Variants in CSMD1 observed in about 807,000 individuals in gnomAD.
CSMD1 encodes CUB and Sushi multiple domains 1.
In CSMD1, 213 loss-of-function variants were observed where a neutral mutation model predicts 417.5. That is an observed-to-expected ratio of 0.51 (90% CI 0.46 to 0.57). The LOEUF (loss-of-function observed/expected upper bound fraction) is 0.57. Ranked by LOEUF, CSMD1 falls within the 20% of genes least tolerant of loss-of-function variation. The pLI, the probability that CSMD1 is intolerant of heterozygous loss-of-function variation, is 0.00. For missense variants in CSMD1, 6,923 were observed against 4,529.7 expected (o/e 1.53, Z -15.17); for synonymous variants, 2,862 against 1,736.8 (o/e 1.65, Z -16.11).
intron 2 of CSMD1, among the ~76,000 whole-genome samples, chr8:4,437,865 C>T (rs969764999): frequency 7.2e-5 from 11 of 152,152 alleles, no homozygotes; most frequent in African/African-American, 2.4e-4. Context: ...TCACCTGCCT[C>T]ACTGGTGTAG....
chr8:3,737,301 C>T (rs4472537), intron 6 of CSMD1, among the ~76,000 whole-genome samples: 22,455 of 152,026 alleles, frequency 0.15, 1,896 homozygotes, highest in African/African-American at 0.23. Flanking sequence ...ATGTGACTTC[C>T]TTCAGGAGGC....
Position 2,999,981 on chromosome 8 carries a change from G to C in CSMD1, c.8180C>G (p.Ser2727Cys), listed in dbSNP as rs981998842. ...ACGGACACAGACAGGCGTTTGTCCA[G>C]ACCACTTGTGGTCTTGCAGGCATAT... ...VRICLQDHKW[S>C]GQTPVCVPIT... is the part of the protein sequence containing the mutation. The change falls in exon 53 of 70, where the codon TCT becomes TGT. Residue 2727 changes from serine to cysteine, a missense_variant. Transcript: ENST00000635120. The C allele has an allele frequency of 6.2e-7, 1 of 1,609,814 alleles. No homozygotes were observed. The highest frequency in any genetic ancestry group is 8.5e-7 in the Non-Finnish European group (1 of 1,178,942).
chr8:4,252,429 T>C (rs1803143554), intron 3 of CSMD1, among the ~76,000 whole-genome samples: 1 of 152,172 alleles, frequency 6.6e-6, no homozygotes, highest in Admixed American at 6.5e-5. Context: ...TGGGAAGAAA[T>C]AAACTCGAGG....
At chr8:3,738,866 G>C (rs1451595124) in intron 6 of CSMD1, among the ~76,000 whole-genome samples, 2 of 152,138 alleles carry the variant, frequency 1.3e-5, no homozygotes, top group East Asian at 3.9e-4. Context: ...TTACTTATTA[G>C]GGCATTCATA....
At chr8:4,849,607 C>G (rs1801347903) in intron 1 of CSMD1, among the ~76,000 whole-genome samples, 5 of 152,006 alleles carry the variant, frequency 3.3e-5, no homozygotes, top group Admixed American at 1.3e-4. Context: ...TTTTAGTGAC[C>G]TTTTCTATTT....
intron 3 of CSMD1, among the ~76,000 whole-genome samples, chr8:4,131,555 A>C (rs1162774337): frequency 6.6e-6 from 1 of 152,150 alleles, no homozygotes; most frequent in Non-Finnish European, 1.5e-5. Context: ...AACTGTAGAA[A>C]ATATTTTTCT....
At position 3,230,176 on chromosome 8, in the gene CSMD1, A is replaced by G. The variant is rs1433124216; in HGVS notation, c.4209T>C (p.Tyr1403=). ...DPGMPQNGTR[Y]GDSREAGDTV... The stretch of plus-strand genomic sequence containing the variant: ...TGTCTCCAGCCTCTCTGCTGTCTCC[A>G]TAGCGGGTGCCATTTTGGGGCATAC... Residue 1403 remains tyrosine (Y), a synonymous_variant, in exon 27 of 70, where the codon TAT becomes TAC. Coordinates refer to ENST00000635120, the MANE Select transcript of CSMD1 (RefSeq NM_033225.6). 4.3e-6 allele frequency: 7 copies of G among 1,612,688 alleles called. No individual in the cohort carries two copies. Among genetic ancestry groups the G allele is most frequent in the African/African-American group, 1.3e-5 (1 of 74,880 alleles).
intron 2 of CSMD1, among the ~76,000 whole-genome samples, chr8:4,560,155 A>G (rs1798265367): frequency 6.6e-6 from 1 of 152,132 alleles, no homozygotes; most frequent in Admixed American, 6.6e-5. Context: ...TGCTGAGAAA[A>G]CCGCGCTCAT....
At chr8:4,938,388 C>A (rs1384142764) in intron 1 of CSMD1, among the ~76,000 whole-genome samples, 19 of 152,176 alleles carry the variant, frequency 1.2e-4, no homozygotes, top group Non-Finnish European at 1.8e-4. Context: ...ATAGTTATTA[C>A]AAATATGACT....
intron 3 of CSMD1, among the ~76,000 whole-genome samples, chr8:4,249,147 T>A (rs1055398703): frequency 1.3e-5 from 2 of 152,182 alleles, no homozygotes; most frequent in African/African-American, 2.4e-5. Context: ...GAAAATATAA[T>A]CTTAACATAT....
At chr8:3,044,652 C>G (rs1351673959) in intron 50 of CSMD1, among the ~76,000 whole-genome samples, 2 of 151,824 alleles carry the variant, frequency 1.3e-5, no homozygotes, top group South Asian at 4.2e-4. Flanking sequence ...AAAGGGACCT[C>G]AAACATCTGC....
intron 3 of CSMD1, among the ~76,000 whole-genome samples, chr8:4,348,199 G>A (rs1800885007): frequency 6.6e-6 from 1 of 152,076 alleles, no homozygotes; most frequent in Non-Finnish European, 1.5e-5. Context: ...GCATTGTGCT[G>A]GGAAAATGTA....
At chr8:3,690,717 C>G (rs1211526647) in intron 7 of CSMD1, among the ~76,000 whole-genome samples, 1 of 152,246 alleles carries the variant, frequency 6.6e-6, no homozygotes, top group Non-Finnish European at 1.5e-5. Flanking sequence ...GCTGATACAT[C>G]TTTGCCACAG....
At chr8:2,944,429 A>G (rs558359403) in intron 68 of CSMD1, among the ~76,000 whole-genome samples, 1 of 152,336 alleles carries the variant, frequency 6.6e-6, no homozygotes, top group South Asian at 2.1e-4. Flanking sequence ...AACAGAGAGC[A>G]GTGGTGCCCT....
At chr8:3,948,406 C>G (rs950215655) in intron 5 of CSMD1, among the ~76,000 whole-genome samples, 2 of 151,934 alleles carry the variant, frequency 1.3e-5, no homozygotes, top group African/African-American at 4.8e-5. Flanking sequence ...GGAGGGAGAA[C>G]AAGAAAAATA....
At chr8:3,097,192 G>C (rs1815368876) in intron 46 of CSMD1, among the ~76,000 whole-genome samples, 155 bp from the exon 47 acceptor site, 1 of 152,142 alleles carries the variant, frequency 6.6e-6, no homozygotes, top group Non-Finnish European at 1.5e-5. Context: ...CACAGAGGGA[G>C]GGCAACATTG....
chr8:4,451,485 A>T (rs1488812268), intron 2 of CSMD1, among the ~76,000 whole-genome samples: 1 of 152,212 alleles, frequency 6.6e-6, no homozygotes, highest in African/African-American at 2.4e-5. Flanking sequence ...AAGCTTACCC[A>T]TAGAGAAATA....
At chr8:4,928,109 C>G (rs1279203628) in intron 1 of CSMD1, among the ~76,000 whole-genome samples, 1 of 152,146 alleles carries the variant, frequency 6.6e-6, no homozygotes, top group East Asian at 1.9e-4. Context: ...CATCCTCAGC[C>G]CACTTTGCTA....
At chr8:4,780,398 T>C (rs900950835) in intron 1 of CSMD1, among the ~76,000 whole-genome samples, 1 of 151,608 alleles carries the variant, frequency 6.6e-6, no homozygotes, top group Admixed American at 6.6e-5. Flanking sequence ...AGGCAGTTCA[T>C]TCTGATTGAT....
Sources: gnomAD v4.1 joint callset for allele counts (sites outside exome capture counted in the v4.1 genomes callset) on GRCh38, gnomAD v4.1.1 for gene constraint, MANE v1.5 for transcripts, NCBI Gene and HGNC (gene_info 2026-07-23, HGNC 2026-07-21) for gene names.